Variants in PPL observed in about 807,000 individuals in gnomAD.
PPL encodes 190 kDa paraneoplastic pemphigus antigen.
PPL carries 198 observed loss-of-function variants against 194.4 expected under a neutral mutation model. The ratio of observed to expected loss-of-function variants is 1.02; its 90% CI spans 0.91 to 1.15. The LOEUF is 1.15. Among genes scored for constraint, PPL ranks in the 50% most tolerant of loss-of-function variants. The pLI is 0.00. For missense variants in PPL, 2,885 were observed against 2,294.8 expected, an observed-to-expected ratio of 1.26 and a Z score of -5.25; for synonymous variants, 1,220 against 972.4, an observed-to-expected ratio of 1.25 and a Z score of -4.74.
In PPL at chr16:4,883,797, C is replaced by A; in HGVS notation, c.4858G>T (p.Asp1620Tyr). 3.1e-6 allele frequency: 5 copies of A among 1,614,172 alleles called. No individual in the cohort carries two copies. The highest frequency in any genetic ancestry group is 4.2e-6 in the Non-Finnish European group (5 of 1,180,038). The change falls in exon 22 of 22, where the codon GAT becomes TAT. Residue 1620 changes from aspartate to tyrosine, a missense_variant. Physicochemically the swap from Asp to Tyr is radical, Grantham distance 160 (BLOSUM62 -3). Transcript: ENST00000345988. This position sits in a 1 kb window ranked among gnomAD's most constrained non-coding sequence, Gnocchi z 4.8. ...SRLWSLEREL[D>Y]DLKRLSKDKD... ...TCCTTGGAGAGCCTCTTGAGGTCAT[C>A]CAGTTCCCTCTCCAGGGACCACAGT... is the stretch of plus-strand genomic sequence containing the variant.
rs537894644 is a variant in PPL at position 4,915,045 on chromosome 16, G to A, written c.63-4096C>T. ...TTAGGGTCTGTACTGTGGCTCAAGT[G>A]GGGGCCTTTGTCTCTCTTGGGCCCA... On this transcript the variant is annotated intron_variant, in intron 1 of 21. Transcript: ENST00000345988. Among the ~76,000 whole-genome samples, 5 of 152,332 alleles carry A rather than the reference G, an allele frequency of 3.3e-5. No homozygotes were observed. The East Asian group carries it at 9.7e-4, about 29-fold the overall frequency.
Position 4,890,276 on chromosome 16 carries a change from G to C in PPL, c.2221C>G (p.His741Asp), listed in dbSNP as rs754292060. Residue 741 changes from histidine to aspartate, a missense_variant, in exon 18 of 22, where the codon CAC becomes GAC. Coordinates refer to ENST00000345988, the MANE Select transcript of PPL (RefSeq NM_002705.5). The part of the protein sequence containing the change: ...AYEHFHRGHD[H>D]VLQFLVSIPS... ...ATGCTGACTAGGAACTGCAGCACGT[G>C]GTCATGGCCGCGGTGGAAGTGCTCG... The C allele has an allele frequency of 1.2e-6, 2 of 1,614,186 alleles. No individual in the cohort carries two copies. The highest frequency in any genetic ancestry group is 2.2e-5 in the South Asian group (2 of 91,078).
intron 1 of PPL, among the ~76,000 whole-genome samples, chr16:4,915,954 G>C (rs748249276): frequency 6.6e-5 from 10 of 152,118 alleles, no homozygotes; most frequent in African/African-American, 2.4e-4. Flanking sequence ...GCACACAGTA[G>C]GTACTTCACA....
chr16:4,895,731 G>A lies in PPL; in HGVS notation c.973-15C>T, dbSNP rs776407111. On this transcript the variant is annotated splice_polypyrimidine_tract_variant and intron_variant, in intron 9 of 21. Transcript: ENST00000345988. ...TCTTCGTGAAACTAGGGGAGAAGGT[G>A]GCTCTGTTACAGCCAGGAAACCACT... is the stretch of plus-strand genomic sequence containing the variant. 1.9e-6 allele frequency: 3 copies of A among 1,613,640 alleles called. No homozygotes were observed. In the Admixed American group the frequency reaches 5.0e-5, roughly 27 times the overall value.
At chr16:4,909,289 G>C (rs2088770067) in intron 2 of PPL, among the ~76,000 whole-genome samples, 1 of 152,154 alleles carries the variant, frequency 6.6e-6, no homozygotes, top group Non-Finnish European at 1.5e-5. Context: ...TTCAGAGGGT[G>C]GGCAACTGGG....
intron 1 of PPL, among the ~76,000 whole-genome samples, chr16:4,915,642 T>C (rs1469976246): frequency 6.6e-6 from 1 of 152,200 alleles, no homozygotes; most frequent in Non-Finnish European, 1.5e-5. Flanking sequence ...TCGACTGGGC[T>C]AGAAGTTACT....
intron 9 of PPL, among the ~76,000 whole-genome samples, chr16:4,896,662 C>T (rs1355617635): frequency 1.7e-5 from 2 of 121,052 alleles, no homozygotes; most frequent in East Asian, 2.3e-4. Context: ...TTTTTTGAGG[C>T]GGAGACTCAC....
chr16:4,891,208 C>G (rs2088314313), intron 16 of PPL, among the ~76,000 whole-genome samples: 1 of 152,214 alleles, frequency 6.6e-6, no homozygotes, highest in African/African-American at 2.4e-5. Context: ...GAGGCTGTGG[C>G]AAAAGCAAGT....
At chr16:4,923,161 T>C (rs2142412623) in intron 1 of PPL, among the ~76,000 whole-genome samples, 1 of 152,282 alleles carries the variant, frequency 6.6e-6, no homozygotes, top group Non-Finnish European at 1.5e-5. Flanking sequence ...GTCTACCCGG[T>C]TATGCCAACA....
intron 1 of PPL, among the ~76,000 whole-genome samples, chr16:4,922,659 C>T (rs559065662): frequency 9.0e-4 from 136 of 151,920 alleles, no homozygotes; most frequent in African/African-American, 3.2e-3. Context: ...AAGACTCCAT[C>T]TCAAAACAAA....
At chr16:4,914,001 G>A (rs1452202139) in intron 1 of PPL, among the ~76,000 whole-genome samples, 1 of 152,230 alleles carries the variant, frequency 6.6e-6, no homozygotes, top group Admixed American at 6.5e-5. Context: ...GGGATGCCCA[G>A]GGGAACCTCT....
At chr16:4,897,795 C>T (rs780473753) in intron 8 of PPL, 25 bp from the exon 9 acceptor site, 5 of 1,591,218 alleles carry the variant, frequency 3.1e-6, no homozygotes, top group Non-Finnish European at 4.3e-6. Flanking sequence ...AGGGGCCGGT[C>T]ACCACTGGGC....
Position 4,888,182 on chromosome 16 carries a change from G to GA in PPL, c.2433dup (p.Leu812SerfsTer37), listed in dbSNP as rs1268441923. 1.2e-6 allele frequency: 2 copies of GA among 1,613,736 alleles called. No individual in the cohort carries two copies. Among genetic ancestry groups the GA allele is most frequent in the Non-Finnish European group, 1.7e-6 (2 of 1,179,618 alleles). Reference sequence around the variant, plus strand: ...CTTCTCCTTCCATTCTCCAAGTCGAGAAGAGACCTTAGTTTTTCTGCTTCT... The same window carrying GA: ...CTTCTCCTTCCATTCTCCAAGTCGAGAAAGAGACCTTAGTTTTTCTGCTTCT... On this transcript the variant is annotated frameshift_variant, in exon 20 of 22. Transcript: ENST00000345988. LOFTEE classifies it high-confidence loss of function.
chr16:4,929,953 G>T (rs1041881940), intron 1 of PPL, among the ~76,000 whole-genome samples: 1 of 151,798 alleles, frequency 6.6e-6, no homozygotes, highest in Non-Finnish European at 1.5e-5. Context: ...CTCCCAAAGC[G>T]CTAGGACAAG....
rs1480223128 is a variant in PPL, at chr16:4,883,078, G to T, written c.*306C>A. ...TGTCCTTCAGTGGTTTTCAGATTGT[G>T]TGCAGTTATCATGAGGAGTTTGTTG... On this transcript the variant is annotated 3_prime_UTR_variant, in exon 22 of 22. Coordinates refer to ENST00000345988, the MANE Select transcript of PPL (RefSeq NM_002705.5). This position sits in a 1 kb window ranked among gnomAD's most constrained non-coding sequence, Gnocchi z 4.8. The T allele has an allele frequency of 1.1e-5, 4 of 362,572 alleles. No homozygotes were observed. The highest frequency in any genetic ancestry group is 2.1e-5 in the Non-Finnish European group (4 of 194,726). The allele number at this position is 362,572 out of a possible 1,614,324, so 22.5% of individuals were successfully genotyped here.
At chr16:4,917,692 G>C (rs1347720871) in intron 1 of PPL, among the ~76,000 whole-genome samples, 1 of 152,066 alleles carries the variant, frequency 6.6e-6, no homozygotes, top group Non-Finnish European at 1.5e-5. Flanking sequence ...CTTGAGACCA[G>C]GAGTTTGAGA....
At chr16:4,903,003 T>C (rs1330775800) in intron 3 of PPL, among the ~76,000 whole-genome samples, 2 of 152,134 alleles carry the variant, frequency 1.3e-5, no homozygotes, top group African/African-American at 4.8e-5. Context: ...CCACTTTCCC[T>C]CAACCTTCCT....
intron 3 of PPL, among the ~76,000 whole-genome samples, chr16:4,903,220 G>T (rs2088612641): frequency 6.6e-6 from 1 of 152,066 alleles, no homozygotes; most frequent in Non-Finnish European, 1.5e-5. Context: ...GGACAAGGCA[G>T]GAGTCAGGGG....
At chr16:4,898,941 C>G in intron 8 of PPL, 72 bp downstream of exon 8, 1 of 1,296,208 alleles carries the variant, frequency 7.7e-7, no homozygotes, top group East Asian at 2.3e-5. Flanking sequence ...TGCCCGAGCT[C>G]CAGGCGGCCC....
Sources: gnomAD v4.1 joint callset for allele counts (sites outside exome capture counted in the v4.1 genomes callset) on GRCh38, gnomAD v4.1.1 for gene constraint, Gnocchi (gnomAD v3.1) non-coding constraint, MANE v1.5 for transcripts, NCBI Gene and HGNC (gene_info 2026-07-23, HGNC 2026-07-21) for gene names.